PHIP: variants seen among roughly 807,000 people sequenced by gnomAD.
The protein encoded by PHIP is PH-interacting protein.
PHIP carries 54 observed loss-of-function variants against 236.8 expected under a neutral mutation model. The observed-to-expected ratio is 0.23, with a 90% CI of 0.18 to 0.29. The LOEUF (loss-of-function observed/expected upper bound fraction) is 0.29. PHIP is among the 10% of genes least tolerant of loss of function. The probability of loss-of-function intolerance (pLI) is 1.00; values close to 1 mark genes in which losing one functional copy is unlikely to be tolerated. For synonymous variants in PHIP, 756 were observed against 718.9 expected (o/e 1.05, Z -0.83); for missense variants, 1,370 against 2,190.8 (o/e 0.63, Z 7.48).
chr6:79,046,674 C>G (rs568838130), intron 6 of PHIP, among the ~76,000 whole-genome samples: 1 of 151,964 alleles, frequency 6.6e-6, no homozygotes, highest in South Asian at 2.1e-4. Flanking sequence ...GTCAGGAGTT[C>G]GAGACCAGCC....
intron 19 of PHIP, among the ~76,000 whole-genome samples, chr6:78,994,172 C>T (rs185751733): frequency 6.6e-6 from 1 of 152,302 alleles, no homozygotes; most frequent in East Asian, 1.9e-4. Flanking sequence ...CATAATAAAA[C>T]TTTAAATGAA....
At chr6:78,973,884 G>C (rs969688862) in intron 24 of PHIP, among the ~76,000 whole-genome samples, 6 of 151,474 alleles carry the variant, frequency 4.0e-5, no homozygotes, top group Non-Finnish European at 5.9e-5. Flanking sequence ...AGCAAGTCTT[G>C]AGTGACCTAC....
intron 19 of PHIP, among the ~76,000 whole-genome samples, chr6:78,996,008 G>A (rs572653537): frequency 5.3e-5 from 8 of 152,284 alleles, no homozygotes; most frequent in African/African-American, 1.7e-4. Flanking sequence ...CAATGATAAA[G>A]GAATAAAAGG....
chr6:78,970,749 T>G (rs768459264), intron 25 of PHIP, 32 bp downstream of exon 25: 5 of 1,329,022 alleles, frequency 3.8e-6, no homozygotes, highest in East Asian at 2.3e-5. Flanking sequence ...ATTGTATTTT[T>G]GGGGCTATTA....
At chr6:79,032,384 C>T (rs2095724) in intron 7 of PHIP, among the ~76,000 whole-genome samples, 68,274 of 152,028 alleles carry the variant, frequency 0.45, 15,989 homozygotes, top group East Asian at 0.69. Context: ...CACAGTAGAA[C>T]TTATTTCAAA....
Position 78,978,613 on chromosome 6 carries a change from A to T in PHIP, c.2868T>A (p.Phe956Leu). ...GTACCTCATCACCCATCTGTGGCAC[A>T]AATGGACATCTTCGGGGAATGGTAT... ...ITDTIPRRCP[F>L]VPQMGDEVYY... Residue 956 changes from phenylalanine to leucine, a missense_variant, in exon 24 of 40, where the codon TTT becomes TTA. Physicochemically the swap from Phe to Leu is conservative, Grantham distance 22 (BLOSUM62 0). Around this residue, in one of 14 missense-constraint regions of PHIP, gnomAD observed 238 missense variants for 398.5 expected, o/e 0.60. Transcript: ENST00000275034. The T allele has an allele frequency of 6.3e-7, 1 of 1,592,844 alleles. No individual in the cohort carries two copies. The highest frequency in any genetic ancestry group is 8.6e-7 in the Non-Finnish European group (1 of 1,165,466).
chr6:78,994,905 C>T (rs1000569006), intron 19 of PHIP, among the ~76,000 whole-genome samples: 3 of 152,152 alleles, frequency 2.0e-5, no homozygotes, highest in African/African-American at 7.2e-5. Context: ...TTTTTTCAGA[C>T]ATAATCATAT....
intron 19 of PHIP, among the ~76,000 whole-genome samples, chr6:78,997,163 C>T (rs1769678058): frequency 6.6e-6 from 1 of 151,990 alleles, no homozygotes; most frequent in African/African-American, 2.4e-5. Flanking sequence ...ATAAAACCTC[C>T]TATTTGGTCA....
chr6:79,019,055 C>CT (rs1582232001), intron 10 of PHIP, 34 bp downstream of exon 10: 3 of 1,498,028 alleles, frequency 2.0e-6, no homozygotes, highest in East Asian at 2.3e-5. Flanking sequence ...AAATGAACAA[C>CT]TTTAAGTCGA....
At chr6:79,031,232 TCA>T (rs1187584607) in intron 7 of PHIP, among the ~76,000 whole-genome samples, 65 of 152,190 alleles carry the variant, frequency 4.3e-4, no homozygotes, top group African/African-American at 1.6e-3. Context: ...GCATGAGCCA[TCA>T]CACCAAGCCT....
chr6:79,037,781 T>C (rs920952225), intron 7 of PHIP, among the ~76,000 whole-genome samples: 3 of 152,210 alleles, frequency 2.0e-5, no homozygotes, highest in Non-Finnish European at 4.4e-5. Context: ...GAATGGACAT[T>C]AGTCATTTTT....
At chr6:79,057,255 C>G (rs1234638129) in intron 6 of PHIP, among the ~76,000 whole-genome samples, 1 of 152,058 alleles carries the variant, frequency 6.6e-6, no homozygotes, top group Non-Finnish European at 1.5e-5. Flanking sequence ...AAAAAATTAA[C>G]AAACCCTATG....
intron 6 of PHIP, among the ~76,000 whole-genome samples, chr6:79,047,296 T>C (rs1772548654): frequency 6.6e-6 from 1 of 152,224 alleles, no homozygotes; most frequent in Non-Finnish European, 1.5e-5. Context: ...ATTACTTCTT[T>C]AGGTGCTAGG....
intron 10 of PHIP, 125 bp downstream of exon 10, chr6:79,018,964 C>T (rs1770976152): frequency 1.6e-6 from 1 of 610,580 alleles, no homozygotes; most frequent in Non-Finnish European, 2.9e-6. Context: ...CTTATTAGCT[C>T]TGGCATATGT....
intron 7 of PHIP, among the ~76,000 whole-genome samples, chr6:79,036,893 G>C (rs1436398171): frequency 8.5e-6 from 1 of 117,232 alleles, no homozygotes; most frequent in Admixed American, 1.2e-4. Flanking sequence ...CTGCACTCCA[G>C]CCTAGGTGAC....
rs950361846 is a variant in PHIP at position 78,935,159 on chromosome 6, T to C, written c.*5534A>G. ...TTGGCTGGTTCTTCTAAGTATATAC[T>C]AGGTATTGTTATTAGCAGACTTCAT... On this transcript the variant is annotated 3_prime_UTR_variant, in exon 40 of 40. Transcript: ENST00000275034. 3.9e-5 allele frequency among the ~76,000 whole-genome samples: 6 copies of C among 152,180 alleles called. No homozygotes were observed. The highest frequency in any genetic ancestry group is 7.2e-5 in the African/African-American group (3 of 41,450).
intron 19 of PHIP, among the ~76,000 whole-genome samples, chr6:78,996,959 A>G (rs1321614507): frequency 6.6e-6 from 1 of 151,416 alleles, no homozygotes; most frequent in East Asian, 1.9e-4. Flanking sequence ...TCATAAATGT[A>G]TACTTTTAAA....
intron 7 of PHIP, among the ~76,000 whole-genome samples, chr6:79,036,858 T>TTGCAA (rs1373352542): frequency 6.9e-6 from 1 of 143,936 alleles, no homozygotes; most frequent in Non-Finnish European, 1.5e-5. Flanking sequence ...GAGGTGGAGC[T>TTGCAA]TGCAAGTGAG....
intron 15 of PHIP, among the ~76,000 whole-genome samples, chr6:79,009,017 A>G (rs1418969180): frequency 6.7e-6 from 1 of 150,184 alleles, no homozygotes; most frequent in Non-Finnish European, 1.5e-5. Flanking sequence ...CAAATTTCCT[A>G]CCAACTACCC....
Sources: gnomAD v4.1 joint callset for allele counts (sites outside exome capture counted in the v4.1 genomes callset) on GRCh38, gnomAD v4.1.1 for gene constraint, gnomAD v4.1.1 regional missense constraint, MANE v1.5 for transcripts, NCBI Gene and HGNC (gene_info 2026-07-23, HGNC 2026-07-21) for gene names.